The following GLG1 variants were observed in gnomAD, a reference collection of about 807,000 sequenced individuals.
GLG1 encodes golgi glycoprotein 1.
Under a neutral mutation model 160.5 loss-of-function variants are expected in GLG1, and 38 were observed. The observed-to-expected ratio is 0.24, with a 90% CI of 0.18 to 0.31. GLG1 has a LOEUF of 0.31. Ranked by LOEUF, GLG1 falls within the 10% of genes least tolerant of loss-of-function variation. The pLI, the probability that GLG1 is intolerant of heterozygous loss-of-function variation, is 1.00. For synonymous variants in GLG1, 644 were observed against 543.4 expected (o/e 1.19, Z -2.57); for missense variants, 1,373 against 1,505.2 (o/e 0.91, Z 1.45).
At chr16:74,585,371 T>G (rs1958024989) in intron 1 of GLG1, among the ~76,000 whole-genome samples, 1 of 152,092 alleles carries the variant, frequency 6.6e-6, no homozygotes, top group Admixed American at 6.6e-5. Flanking sequence ...ATTACAGCAG[T>G]GCACTGCAGC....
intron 4 of GLG1, among the ~76,000 whole-genome samples, chr16:74,500,168 T>C (rs1003370070): frequency 1.3e-5 from 2 of 152,172 alleles, no homozygotes; most frequent in African/African-American, 4.8e-5. Context: ...ATATAAATAT[T>C]TGACAGCGAA....
In GLG1 at chr16:74,503,585, G is replaced by C. The variant is rs745730108; in HGVS notation, c.720C>G (p.Asp240Glu). The C allele has an allele frequency of 1.2e-5, 19 of 1,613,712 alleles. No homozygotes were observed. In the Admixed American group the frequency reaches 1.8e-4, roughly 16 times the overall value. The change falls in exon 4 of 26, where the codon GAC becomes GAG. Residue 240 changes from aspartate to glutamate, a missense_variant. Physicochemically the swap from Asp to Glu is conservative, Grantham distance 45 (BLOSUM62 2). Around this residue, in one of 4 missense-constraint regions of GLG1, gnomAD observed 174 missense variants for 229.9 expected, o/e 0.76. Coordinates refer to ENST00000422840, the MANE Select transcript of GLG1 (RefSeq NM_001145667.2). ...DYRLICGFMD[D>E]CKNDINILKC... is the part of the protein sequence containing the mutation. ...TCAGAATGTTGATGTCATTTTTGCA[G>C]TCATCCATGAAGCCACAGATTAAAC... is the stretch of plus-strand genomic sequence containing the variant.
chr16:74,498,053 T>C (rs1218011376), intron 4 of GLG1, among the ~76,000 whole-genome samples: 1 of 152,188 alleles, frequency 6.6e-6, no homozygotes, highest in Non-Finnish European at 1.5e-5. Flanking sequence ...ATATTTTCTA[T>C]TCAAGAGTCC....
intron 1 of GLG1, among the ~76,000 whole-genome samples, chr16:74,598,947 A>C (rs1220224566): frequency 4.6e-5 from 7 of 151,766 alleles, no homozygotes; most frequent in Admixed American, 4.6e-4. Flanking sequence ...GATTTTTGTT[A>C]TTGTTCCTGA....
At chr16:74,576,591 C>T (rs539603938) in intron 1 of GLG1, among the ~76,000 whole-genome samples, 4 of 152,304 alleles carry the variant, frequency 2.6e-5, no homozygotes, top group East Asian at 1.9e-4. Context: ...CATACTAAAA[C>T]AGGTTGTGGG....
chr16:74,509,677 G>A (rs1044985211), intron 2 of GLG1, among the ~76,000 whole-genome samples: 5 of 151,618 alleles, frequency 3.3e-5, no homozygotes, highest in Middle Eastern at 3.4e-3. Context: ...GTGAAACCCC[G>A]TTTCTACTAA....
At position 74,494,841 on chromosome 16, in the gene GLG1, G is replaced by A. The variant is rs1371893697; in HGVS notation, c.979-10C>T. The stretch of plus-strand genomic sequence containing the variant: ...CCTCACCAGCTTGTGTCTATAAGAT[G>A]GAACATACACATTATTATTACTTTA... On this transcript the variant is annotated splice_polypyrimidine_tract_variant and intron_variant, in intron 5 of 25. Coordinates refer to ENST00000422840, the MANE Select transcript of GLG1 (RefSeq NM_001145667.2). The A allele has an allele frequency of 7.5e-7, 1 of 1,328,112 alleles. No homozygotes were observed. The highest frequency in any genetic ancestry group is 1.7e-5 in the Admixed American group (1 of 59,638). 82.3% of individuals were successfully genotyped at this position (1,328,112 alleles called of 1,614,324 possible).
chr16:74,528,699 C>T (rs1479704920), intron 2 of GLG1, among the ~76,000 whole-genome samples: 3 of 149,592 alleles, frequency 2.0e-5, no homozygotes, highest in Non-Finnish European at 4.4e-5. Flanking sequence ...GTAATCCCAG[C>T]TACTCAGGAG....
At chr16:74,500,080 T>C (rs964423254) in intron 4 of GLG1, among the ~76,000 whole-genome samples, 1 of 152,210 alleles carries the variant, frequency 6.6e-6, no homozygotes, top group Non-Finnish European at 1.5e-5. Flanking sequence ...AGATAAATAT[T>C]TTTTTCAAAT....
intron 10 of GLG1, among the ~76,000 whole-genome samples, chr16:74,481,201 T>G (rs1239001547): frequency 1.3e-5 from 2 of 152,220 alleles, no homozygotes; most frequent in African/African-American, 4.8e-5. Context: ...CAGTTTTCTC[T>G]CTTCTTCCTG....
chr16:74,532,895 C>A (rs919853491), intron 1 of GLG1, among the ~76,000 whole-genome samples: 1 of 152,156 alleles, frequency 6.6e-6, no homozygotes, highest in African/African-American at 2.4e-5. Context: ...TATGTAAGAT[C>A]TCTAGGTACT....
intron 1 of GLG1, among the ~76,000 whole-genome samples, chr16:74,601,771 T>C (rs1019438457): frequency 8.5e-5 from 13 of 152,218 alleles, no homozygotes; most frequent in Non-Finnish European, 1.9e-4. Flanking sequence ...GTTGTTCTTG[T>C]GTCCCATTTA....
chr16:74,542,633 T>G (rs1000159758), intron 1 of GLG1, among the ~76,000 whole-genome samples: 5 of 143,774 alleles, frequency 3.5e-5, no homozygotes, highest in Non-Finnish European at 7.5e-5. Flanking sequence ...GATTGCATCA[T>G]TGCACTCCAG....
chr16:74,470,181 G>A (rs1262082969), intron 15 of GLG1, 108 bp from the exon 16 acceptor site: 5 of 736,256 alleles, frequency 6.8e-6, no homozygotes, highest in African/African-American at 3.4e-5. Context: ...ACAAGACCCT[G>A]CATGGCTTGA....
At chr16:74,581,789 G>C (rs1597369729) in intron 1 of GLG1, among the ~76,000 whole-genome samples, 1 of 152,234 alleles carries the variant, frequency 6.6e-6, no homozygotes, top group East Asian at 1.9e-4. Flanking sequence ...GCGGGCGCCT[G>C]TAATCCCAGC....
At chr16:74,579,601 A>T (rs1487057333) in intron 1 of GLG1, among the ~76,000 whole-genome samples, 1 of 152,066 alleles carries the variant, frequency 6.6e-6, no homozygotes, top group Non-Finnish European at 1.5e-5. Flanking sequence ...ACACACCTGT[A>T]GTCCCAGCTA....
At chr16:74,505,495 G>A (rs969713264) in intron 3 of GLG1, among the ~76,000 whole-genome samples, 1 of 152,160 alleles carries the variant, frequency 6.6e-6, no homozygotes, top group Non-Finnish European at 1.5e-5. Context: ...CGAGGGGGGT[G>A]GATCACTTGA....
intron 2 of GLG1, among the ~76,000 whole-genome samples, chr16:74,524,856 G>T (rs1431395690): frequency 6.6e-6 from 1 of 152,092 alleles, no homozygotes; most frequent in Non-Finnish European, 1.5e-5. Flanking sequence ...TCTATTAGCA[G>T]TCACCTACCA....
At chr16:74,461,748 G>C (rs1340181954) in intron 22 of GLG1, 1 of 173,644 alleles carries the variant, frequency 5.8e-6, no homozygotes, top group African/African-American at 2.4e-5. Flanking sequence ...TGGGATTACA[G>C]GCGTGAGCCA....
Sources: allele counts gnomAD v4.1 joint callset (sites outside exome capture counted in the v4.1 genomes callset), GRCh38; gene constraint gnomAD v4.1.1; regional missense constraint gnomAD v4.1.1; transcripts MANE v1.5; gene names NCBI Gene and HGNC (gene_info 2026-07-23, HGNC 2026-07-21).